Variants in ASCC3 observed in about 807,000 individuals in gnomAD.
ASCC3 encodes the protein ASC-1 complex subunit P200.
ASCC3 carries 158 observed loss-of-function variants against 256.3 expected under a neutral mutation model. The ratio of observed to expected loss-of-function variants is 0.62; its 90% CI spans 0.54 to 0.70. The LOEUF (loss-of-function observed/expected upper bound fraction) is 0.70. ASCC3 is among the 30% of genes least tolerant of loss of function. The probability of loss-of-function intolerance (pLI) is 0.00; values close to 1 mark genes in which losing one functional copy is unlikely to be tolerated. For synonymous variants in ASCC3, 948 were observed against 883.4 expected (o/e 1.07, Z -1.30); for missense variants, 2,259 against 2,626.0 (o/e 0.86, Z 3.05).
chr6:100,513,688 T>C (rs1399286901), intron 39 of ASCC3, among the ~76,000 whole-genome samples: 1 of 152,092 alleles, frequency 6.6e-6, no homozygotes, highest in Non-Finnish European at 1.5e-5. Context: ...AAATGACACA[T>C]TAAAAGATAT....
In ASCC3 at chr6:100,553,409, G is replaced by C. The variant is rs1234127988; in HGVS notation, c.5551-13022C>G. Among the ~76,000 whole-genome samples the C allele has an allele frequency of 2.6e-5, 4 of 152,062 alleles. 1 individual carries two copies. The highest frequency in any genetic ancestry group is 4.4e-5 in the Non-Finnish European group (3 of 67,988). On this transcript the variant is annotated intron_variant, in intron 36 of 41. Transcript: ENST00000369162. ...TATCTACATCATGTAGGTAATTAGA[G>C]GAAATTGAAAGTGGGTAGTGAAGCT...
At chr6:100,646,903 T>A in intron 21 of ASCC3, 134 bp from the exon 22 acceptor site, 1 of 951,736 alleles carries the variant, frequency 1.1e-6, no homozygotes, top group Non-Finnish European at 1.6e-6. Flanking sequence ...TAGCTGACAT[T>A]CTTGACCTGG....
At chr6:100,769,381 A>G (rs1781813200) in intron 8 of ASCC3, among the ~76,000 whole-genome samples, 1 of 152,030 alleles carries the variant, frequency 6.6e-6, no homozygotes, top group Non-Finnish European at 1.5e-5. Flanking sequence ...TTATTATCAC[A>G]AAGAAATAAT....
chr6:100,729,930 C>G (rs1299532315), intron 10 of ASCC3, among the ~76,000 whole-genome samples: 1 of 152,058 alleles, frequency 6.6e-6, no homozygotes, highest in Non-Finnish European at 1.5e-5. Flanking sequence ...CACTAAAATA[C>G]AATAGTATAC....
In ASCC3 at chr6:100,644,077, T is replaced by C. The variant is rs555364171; in HGVS notation, c.3686A>G (p.Asn1229Ser). Residue 1229 changes from asparagine (N) to serine (S), a missense_variant, in exon 23 of 42, where the codon AAT (asparagine) becomes AGT (serine). Asn to Ser is a conservative substitution (Grantham distance 46). Coordinates refer to ENST00000369162, the MANE Select transcript of ASCC3 (RefSeq NM_006828.4). ...PWWIWVEDPT[N>S]DHIYHSEYFL... Reference sequence around the variant, plus strand: ...ATACTCTGAATGATAAATATGATCATTTGTAGGATCTTCTACCCAAATCCA... The same window carrying C: ...ATACTCTGAATGATAAATATGATCACTTGTAGGATCTTCTACCCAAATCCA... 4.3e-6 allele frequency: 7 copies of C among 1,613,032 alleles called. No individual in the cohort carries two copies. In the South Asian group the frequency reaches 7.7e-5, roughly 18 times the overall value.
intron 37 of ASCC3, among the ~76,000 whole-genome samples, chr6:100,536,230 T>G (rs240788): frequency 0.68 from 103,481 of 152,054 alleles, 36,663 homozygotes; most frequent in African/African-American, 0.88. Flanking sequence ...ACAATAGTGT[T>G]ATACCTTACA....
chr6:100,649,860 G>A (rs1414011357), intron 20 of ASCC3, among the ~76,000 whole-genome samples: 1 of 151,528 alleles, frequency 6.6e-6, no homozygotes, highest in Admixed American at 6.6e-5. Context: ...TCATTTGAAG[G>A]ATAAATAGGG....
At chr6:100,717,983 G>C in intron 12 of ASCC3, 92 bp downstream of exon 12, 1 of 1,269,298 alleles carries the variant, frequency 7.9e-7, no homozygotes, top group Non-Finnish European at 1.1e-6. Context: ...ACAAAAGGCT[G>C]AAATGGTCTT....
chr6:100,563,990 A>G (rs1770092325), intron 36 of ASCC3, among the ~76,000 whole-genome samples: 1 of 152,076 alleles, frequency 6.6e-6, no homozygotes, highest in African/African-American at 2.4e-5. Context: ...AAGGTCATAC[A>G]GTTAGAAAAT....
At chr6:100,511,237 T>C (rs1175216401) in intron 40 of ASCC3, among the ~76,000 whole-genome samples, 17 of 151,060 alleles carry the variant, frequency 1.1e-4, no homozygotes, top group Admixed American at 1.1e-3. Flanking sequence ...GTCAGGAGTT[T>C]GAGACCAGCC....
At chr6:100,706,887 G>C (rs1778612227) in intron 13 of ASCC3, among the ~76,000 whole-genome samples, 1 of 151,948 alleles carries the variant, frequency 6.6e-6, no homozygotes, top group African/African-American at 2.4e-5. Flanking sequence ...GTTGCAAAAG[G>C]GCTCTTAAGT....
At chr6:100,781,280 T>C (rs1253979934) in intron 8 of ASCC3, among the ~76,000 whole-genome samples, 1 of 152,202 alleles carries the variant, frequency 6.6e-6, no homozygotes, top group Non-Finnish European at 1.5e-5. Flanking sequence ...ATTATAAATA[T>C]TAGTCAAATA....
intron 14 of ASCC3, among the ~76,000 whole-genome samples, chr6:100,664,018 C>T (rs1386572726): frequency 6.6e-6 from 1 of 152,036 alleles, no homozygotes; most frequent in African/African-American, 2.4e-5. Flanking sequence ...TTATATGTCA[C>T]CTGTGTAAGT....
chr6:100,697,443 T>G (rs2114993468), intron 13 of ASCC3, among the ~76,000 whole-genome samples: 1 of 151,974 alleles, frequency 6.6e-6, no homozygotes, highest in Admixed American at 6.5e-5. Flanking sequence ...TGCTAATACA[T>G]AATAGAGGCA....
chr6:100,806,451 C>T (rs531098910), intron 4 of ASCC3, among the ~76,000 whole-genome samples: 1 of 152,006 alleles, frequency 6.6e-6, no homozygotes, highest in South Asian at 2.1e-4. Context: ...AGAGTAGTTA[C>T]CAAAGATTAA....
At chr6:100,601,164 T>C (rs1246114482) in intron 34 of ASCC3, among the ~76,000 whole-genome samples, 1 of 152,112 alleles carries the variant, frequency 6.6e-6, no homozygotes, top group African/African-American at 2.4e-5. Flanking sequence ...TGTCACCTTT[T>C]CTGTGAAGCT....
At chr6:100,867,113 T>C (rs1773518355) in intron 2 of ASCC3, among the ~76,000 whole-genome samples, 1 of 152,198 alleles carries the variant, frequency 6.6e-6, no homozygotes, top group Admixed American at 6.5e-5. Context: ...TCATTGAACC[T>C]ATACAGGAAA....
At position 100,540,378 on chromosome 6, in the gene ASCC3, C is replaced by T; in HGVS notation, c.5560G>A (p.Glu1854Lys). Residue 1854 changes from glutamate to lysine, a missense_variant, in exon 37 of 42, where the codon GAA becomes AAA. By Grantham distance (56) the Glu-to-Lys change is moderately conservative (BLOSUM62 1). This residue lies in a region of ASCC3 where 1,839 missense variants were observed against 2,206.7 expected (regional missense o/e 0.83). Transcript: ENST00000369162. The stretch of plus-strand genomic sequence containing the variant: ...TGTCTCACTGGCAAATCTGTATATT[C>T]TTCTGCATCCTGAAAAAAAAAAAAA... The part of the protein sequence containing the change: ...ELLSILSDAE[E>K]YTDLPVRHNE... 1.3e-6 allele frequency: 2 copies of T among 1,598,004 alleles called. No individual in the cohort carries two copies.
At chr6:100,865,888 G>T (rs1773452993) in intron 2 of ASCC3, among the ~76,000 whole-genome samples, 1 of 152,058 alleles carries the variant, frequency 6.6e-6, no homozygotes. Context: ...CTTTCCCTGT[G>T]ACATTTATAT....
Sources: allele counts gnomAD v4.1 joint callset (sites outside exome capture counted in the v4.1 genomes callset), GRCh38; gene constraint gnomAD v4.1.1; regional missense constraint gnomAD v4.1.1; transcripts MANE v1.5; gene names NCBI Gene and HGNC (gene_info 2026-07-23, HGNC 2026-07-21).